SYCP1: variants seen among roughly 807,000 people sequenced by gnomAD.
SYCP1 encodes synaptonemal complex protein 1, also known as cancer/testis antigen 8.
A neutral mutation model predicts 153.1 loss-of-function variants in SYCP1; 64 were observed. The observed-to-expected ratio is 0.42, with a 90% CI of 0.34 to 0.51. The LOEUF (loss-of-function observed/expected upper bound fraction) is 0.51, where lower values mean the gene tolerates loss of function less well. SYCP1 is among the 20% of genes least tolerant of loss of function. The pLI is 0.06. For missense variants in SYCP1, 997 were observed against 1,049.0 expected (o/e 0.95, Z 0.68); for synonymous variants, 384 against 341.8 (o/e 1.12, Z -1.36).
At chr1:114,855,197 G>GTGGTC in intron 1 of SYCP1, 179 bp downstream of exon 1, 1 of 217,098 alleles carries the variant, frequency 4.6e-6, no homozygotes, top group Admixed American at 5.7e-5. Flanking sequence ...GAAGGGAACG[G>GTGGTC]GCTTTCTTTT....
intron 23 of SYCP1, among the ~76,000 whole-genome samples, chr1:114,936,259 A>G (rs1400256317): frequency 2.0e-5 from 3 of 152,224 alleles, no homozygotes; most frequent in Non-Finnish European, 4.4e-5. Context: ...TACGCAAATC[A>G]ATAAACGTAA....
chr1:114,875,405 G>C (rs993212236), intron 9 of SYCP1, among the ~76,000 whole-genome samples: 1 of 151,870 alleles, frequency 6.6e-6, no homozygotes, highest in African/African-American at 2.4e-5. Flanking sequence ...GACTACAGGG[G>C]ACAGCCACTA....
At chr1:114,904,339 A>G (rs1183590478) in intron 16 of SYCP1, among the ~76,000 whole-genome samples, 5 of 152,006 alleles carry the variant, frequency 3.3e-5, no homozygotes, top group Admixed American at 1.3e-4. Context: ...GATGGTCTCG[A>G]TCTCCTGACC....
At chr1:114,943,701 T>A (rs1670523377) in intron 23 of SYCP1, among the ~76,000 whole-genome samples, 1 of 151,766 alleles carries the variant, frequency 6.6e-6, no homozygotes, top group South Asian at 2.1e-4. Flanking sequence ...TATTTTAAAG[T>A]CGATGATTGA....
chr1:114,895,466 C>A lies in SYCP1; in HGVS notation c.1277C>A (p.Thr426Lys). 1 of 1,525,930 alleles carries A rather than the reference C, an allele frequency of 6.6e-7. No individual in the cohort carries two copies. Among genetic ancestry groups the A allele is most frequent in the Non-Finnish European group, 8.9e-7 (1 of 1,121,848 alleles). 94.5% of individuals were successfully genotyped at this position (1,525,930 alleles called of 1,614,324 possible). Reference protein sequence around the residue: ...SSELEEMTKLTNNKEVELEEL... With the variant: ...SSELEEMTKLKNNKEVELEEL... The stretch of plus-strand genomic sequence containing the variant: ...ATTTTAGAAGAGATGACTAAGCTTA[C>A]AAATAACAAAGAAGTAGAACTTGAA... The change falls in exon 16 of 32, where the codon ACA becomes AAA. Residue 426 changes from threonine to lysine, a missense_variant. Physicochemically the swap from Thr to Lys is moderately conservative, Grantham distance 78. Coordinates refer to ENST00000369522, the MANE Select transcript of SYCP1 (RefSeq NM_003176.4).
At chr1:114,883,421 T>A (rs1666084058) in intron 12 of SYCP1, among the ~76,000 whole-genome samples, 1 of 152,216 alleles carries the variant, frequency 6.6e-6, no homozygotes, top group South Asian at 2.1e-4. Flanking sequence ...GTGCTTTGTT[T>A]CCCATTGTGT....
At chr1:114,871,423 C>A (rs985678647) in intron 8 of SYCP1, among the ~76,000 whole-genome samples, 4 of 152,092 alleles carry the variant, frequency 2.6e-5, no homozygotes, top group Non-Finnish European at 5.9e-5. Context: ...CCTCCTCCAC[C>A]TCCCAAAGTG....
Position 114,856,605 on chromosome 1 carries a change from G to A in SYCP1, c.141G>A (p.Glu47=). Residue 47 remains glutamate (E), a synonymous_variant, in exon 3 of 32, where the codon GAG becomes GAA. Transcript: ENST00000369522. ...ACAAATGTACTGAAGATGATTTTGA[G>A]TTTCCATTTGCAAAGACTAATCTCT... The part of the protein sequence containing the change: ...SFNKCTEDDF[E]FPFAKTNLSK... 6.2e-7 allele frequency: 1 copy of A among 1,611,784 alleles called. No homozygotes were observed. Among genetic ancestry groups the A allele is most frequent in the Non-Finnish European group, 8.5e-7 (1 of 1,179,178 alleles).
At chr1:114,910,566 G>T in intron 17 of SYCP1, 65 bp downstream of exon 17, 1 of 991,654 alleles carries the variant, frequency 1.0e-6, no homozygotes, top group South Asian at 2.3e-5. Context: ...TATGGATTAT[G>T]GTATAAGTAT....
At chr1:114,860,871 G>A (rs1018370698) in intron 8 of SYCP1, 62 bp downstream of exon 8, 4 of 1,259,892 alleles carry the variant, frequency 3.2e-6, no homozygotes, top group Non-Finnish European at 4.3e-6. Flanking sequence ...AGGTGGAGAG[G>A]GAAAGAAATT....
chr1:114,993,583 A>G (rs982551139), intron 30 of SYCP1, among the ~76,000 whole-genome samples: 2 of 151,502 alleles, frequency 1.3e-5, no homozygotes, highest in African/African-American at 4.8e-5. Flanking sequence ...TGTTATGAAG[A>G]TTAAAAGGAA....
intron 8 of SYCP1, among the ~76,000 whole-genome samples, chr1:114,866,149 T>C (rs755343814): frequency 6.6e-6 from 1 of 152,176 alleles, no homozygotes; most frequent in Non-Finnish European, 1.5e-5. Context: ...TAAATATCCA[T>C]GTGCAGGCTT....
rs115008296 is a variant in SYCP1, at chr1:114,983,404, C to T, written c.2560-1321C>T. Among the ~76,000 whole-genome samples the T allele has an allele frequency of 9.9e-3, 1,507 of 152,054 alleles. 12 individuals are homozygous for T. Among genetic ancestry groups the T allele is most frequent in the Non-Finnish European group, 0.016 (1,077 of 67,948 alleles). Reference sequence around the variant, plus strand: ...TGTTGTTTTTGACAAATTCTGCCCCCTACTTCACACACACACCAAGGAGAA... The same window carrying T: ...TGTTGTTTTTGACAAATTCTGCCCCTTACTTCACACACACACCAAGGAGAA... On this transcript the variant is annotated intron_variant, in intron 29 of 31. Coordinates refer to ENST00000369522, the MANE Select transcript of SYCP1 (RefSeq NM_003176.4).
intron 30 of SYCP1, among the ~76,000 whole-genome samples, chr1:114,988,085 A>C (rs1442826869): frequency 6.7e-6 from 1 of 149,460 alleles, no homozygotes; most frequent in African/African-American, 2.5e-5. Flanking sequence ...AACGGCAAAA[A>C]AAAAAAAAAA....
At chr1:114,923,419 G>C (rs1309972356) in intron 20 of SYCP1, 30 bp from the exon 21 acceptor site, 2 of 1,532,878 alleles carry the variant, frequency 1.3e-6, no homozygotes, top group South Asian at 1.2e-5. Flanking sequence ...ATAATTTTTA[G>C]TATAATGTCA....
In SYCP1 at chr1:114,946,343, A is replaced by G. The variant is rs944160631; in HGVS notation, c.2209A>G (p.Ser737Gly). 4 of 1,588,346 alleles carry G rather than the reference A, an allele frequency of 2.5e-6. No individual in the cohort carries two copies. Among genetic ancestry groups the G allele is most frequent in the African/African-American group, 2.8e-5 (2 of 72,660 alleles). ...AGACTCAGAATTAGGACTTTATAAGAGCAAAGAACAAGAACAGTCATCACT... is the reference window on the plus strand; with the variant it reads ...AGACTCAGAATTAGGACTTTATAAGGGCAAAGAACAAGAACAGTCATCACT... ...ERDSELGLYKSKEQEQSSLRA... is the reference protein window; with the variant it reads ...ERDSELGLYKGKEQEQSSLRA... Residue 737 changes from serine (S) to glycine (G), a missense_variant, in exon 26 of 32, where the codon AGC becomes GGC. Ser to Gly is a moderately conservative substitution (Grantham distance 56). This residue lies in a region of SYCP1 where 712 missense variants were observed against 682.9 expected (regional missense o/e 1.04). Transcript: ENST00000369522.
Position 114,981,451 on chromosome 1 carries a change from A to G in SYCP1, c.2498A>G (p.Lys833Arg). 1 of 1,609,552 alleles carries G rather than the reference A, an allele frequency of 6.2e-7. No homozygotes were observed. The highest frequency in any genetic ancestry group is 8.5e-7 in the Non-Finnish European group (1 of 1,178,370). The change falls in exon 29 of 32, where the codon AAA becomes AGA. Residue 833 changes from lysine to arginine, a missense_variant. Physicochemically the swap from Lys to Arg is conservative, Grantham distance 26. Transcript: ENST00000369522. Reference protein sequence around the residue: ...NFTSVDHGISKDKRDYLWTSA... With the variant: ...NFTSVDHGISRDKRDYLWTSA... The stretch of plus-strand genomic sequence containing the variant: ...ACATCAGTTGATCATGGCATATCCA[A>G]AGATAAAAGAGACTATCTGTGGACA...
intron 8 of SYCP1, among the ~76,000 whole-genome samples, chr1:114,871,494 G>A (rs1665121596): frequency 6.6e-6 from 1 of 151,958 alleles, no homozygotes; most frequent in Admixed American, 6.6e-5. Context: ...TTGTATCATT[G>A]CTGTCATTAA....
intron 23 of SYCP1, among the ~76,000 whole-genome samples, chr1:114,930,131 A>G (rs2101755480): frequency 6.6e-6 from 1 of 152,202 alleles, no homozygotes; most frequent in South Asian, 2.1e-4. Context: ...ATGATAAATT[A>G]TTTTAAACGG....
Sources: allele counts gnomAD v4.1 joint callset (sites outside exome capture counted in the v4.1 genomes callset), GRCh38; gene constraint gnomAD v4.1.1; regional missense constraint gnomAD v4.1.1; transcripts MANE v1.5; gene names NCBI Gene and HGNC (gene_info 2026-07-23, HGNC 2026-07-21).